PHACTR4: variants seen among roughly 807,000 people sequenced by gnomAD.
PHACTR4 encodes phosphatase and actin regulator 4.
A neutral mutation model predicts 72.7 loss-of-function variants in PHACTR4; 51 were observed. The observed-to-expected ratio is 0.70, with a 90% CI of 0.56 to 0.89. The LOEUF is 0.89. Among genes scored for constraint, PHACTR4 ranks in the 40% least tolerant of loss-of-function variants. PHACTR4 has a pLI of 0.00. For missense variants in PHACTR4, 731 were observed against 861.8 expected (o/e 0.85, Z 1.90); for synonymous variants, 255 against 302.5 (o/e 0.84, Z 1.63).
At chr1:28,440,081 C>T (rs900815909) in intron 2 of PHACTR4, among the ~76,000 whole-genome samples, 1 of 151,934 alleles carries the variant, frequency 6.6e-6, no homozygotes, top group Non-Finnish European at 1.5e-5. Context: ...GCAGGCGGAT[C>T]ATGAGGTCAG....
chr1:28,458,927 G>T (rs576693387), intron 2 of PHACTR4, among the ~76,000 whole-genome samples, 158 bp from the exon 3 acceptor site: 21 of 152,266 alleles, frequency 1.4e-4, no homozygotes, highest in African/African-American at 4.6e-4. Context: ...TTGATGTTTG[G>T]TGTCCATGTG....
At chr1:28,467,833 T>C (rs1268394512) in intron 6 of PHACTR4, among the ~76,000 whole-genome samples, 1 of 152,176 alleles carries the variant, frequency 6.6e-6, no homozygotes, top group Non-Finnish European at 1.5e-5. Context: ...TTACCCAAAG[T>C]TCTATTTAAG....
chr1:28,486,850 C>T (rs2124543093), intron 9 of PHACTR4, among the ~76,000 whole-genome samples: 1 of 150,540 alleles, frequency 6.6e-6, no homozygotes, highest in South Asian at 2.1e-4. Context: ...CAGAGTGAGA[C>T]TCTGTCTCAA....
At chr1:28,443,690 A>G (rs940982736) in intron 2 of PHACTR4, among the ~76,000 whole-genome samples, 1 of 152,092 alleles carries the variant, frequency 6.6e-6, no homozygotes, top group Non-Finnish European at 1.5e-5. Context: ...CCTGGACTCA[A>G]GTGATCTTCC....
At chr1:28,462,274 G>A (rs1420288783) in intron 4 of PHACTR4, among the ~76,000 whole-genome samples, 1 of 151,984 alleles carries the variant, frequency 6.6e-6, no homozygotes, top group Non-Finnish European at 1.5e-5. Flanking sequence ...CTCCCAAAGT[G>A]CTGGGATTAC....
At chr1:28,496,439 T>C in intron 13 of PHACTR4, 95 bp from the exon 14 acceptor site, 1 of 1,362,478 alleles carries the variant, frequency 7.3e-7, no homozygotes, top group Non-Finnish European at 1.0e-6. Context: ...GGAAAGGCAG[T>C]GTTAATTAGG....
intron 13 of PHACTR4, 42 bp from the exon 14 acceptor site, chr1:28,496,492 G>T: frequency 1.9e-6 from 3 of 1,607,328 alleles, no homozygotes; most frequent in Non-Finnish European, 2.6e-6. Context: ...GCAAAGCAAT[G>T]TACATCATGT....
At chr1:28,434,904 C>G (rs918162372) in intron 2 of PHACTR4, among the ~76,000 whole-genome samples, 2 of 151,898 alleles carry the variant, frequency 1.3e-5, no homozygotes, top group African/African-American at 4.8e-5. Context: ...ATACCTAGAT[C>G]CATAAATCTA....
chr1:28,473,960 T>C lies in PHACTR4; in HGVS notation c.1230T>C (p.Ser410=), dbSNP rs755284706. 1 of 1,614,096 alleles carries C rather than the reference T, an allele frequency of 6.2e-7. No individual in the cohort carries two copies. The highest frequency in any genetic ancestry group is 1.3e-5 in the African/African-American group (1 of 75,044). Residue 410 remains serine (S), a synonymous_variant, in exon 7 of 14, where the codon TCT becomes TCC. Transcript: ENST00000373839. ...ACTTTGGGGAGCCCCATATACCCTC[T>C]AGGCTGCCTCCACTCCCACTGCATA... is the stretch of plus-strand genomic sequence containing the variant. ...DQNFGEPHIP[S]RLPPLPLHIR...
chr1:28,469,231 T>G (rs1356016942), intron 6 of PHACTR4, among the ~76,000 whole-genome samples: 5 of 152,256 alleles, frequency 3.3e-5, no homozygotes, highest in African/African-American at 1.2e-4. Flanking sequence ...TCTTAGAAAA[T>G]GACAACCTCA....
chr1:28,399,321 A>AT (rs1653773246), intron 1 of PHACTR4, among the ~76,000 whole-genome samples: 1 of 152,104 alleles, frequency 6.6e-6, no homozygotes, highest in Non-Finnish European at 1.5e-5. Context: ...CAAAAAATAT[A>AT]TATATGATGA....
In PHACTR4 at chr1:28,459,194, G is replaced by A. The variant is rs1658622797; in HGVS notation, c.126G>A (p.Lys42=). The change falls in exon 3 of 14, where the codon AAG becomes AAA. Residue 42 remains lysine, a synonymous_variant. Coordinates refer to ENST00000373839, the MANE Select transcript of PHACTR4 (RefSeq NM_001048183.3). ...AGAGCAAGTTCTCAGGCTTTGGCAA[G>A]ATCTTCAAGCCCTGGAAATGGAGGA... is the stretch of plus-strand genomic sequence containing the variant. ...KRKSKFSGFG[K]IFKPWKWRKK... 6.2e-7 allele frequency: 1 copy of A among 1,613,384 alleles called. No individual in the cohort carries two copies. The highest frequency in any genetic ancestry group is 1.3e-5 in the African/African-American group (1 of 74,734).
chr1:28,438,091 C>T, intron 2 of PHACTR4: 1 of 1,019,882 alleles, frequency 9.8e-7, no homozygotes, highest in Non-Finnish European at 1.2e-6. Flanking sequence ...ATGTGGTTGG[C>T]AGTCTCCTCC....
At chr1:28,383,210 G>A (rs1652319388) in intron 1 of PHACTR4, among the ~76,000 whole-genome samples, 1 of 152,046 alleles carries the variant, frequency 6.6e-6, no homozygotes, top group African/African-American at 2.4e-5. Flanking sequence ...CTGTTCTATT[G>A]GTCTATGTGT....
At chr1:28,445,615 A>T (rs1389862469) in intron 2 of PHACTR4, among the ~76,000 whole-genome samples, 1 of 151,912 alleles carries the variant, frequency 6.6e-6, no homozygotes, top group Non-Finnish European at 1.5e-5. Context: ...TTCCTTTTCC[A>T]TAACCATTTG....
chr1:28,425,464 C>A (rs1475355206), intron 2 of PHACTR4, among the ~76,000 whole-genome samples: 2 of 152,214 alleles, frequency 1.3e-5, no homozygotes, highest in Admixed American at 6.5e-5. Flanking sequence ...TTGATATAAA[C>A]ACTATTTATA....
intron 10 of PHACTR4, among the ~76,000 whole-genome samples, 188 bp downstream of exon 10, chr1:28,489,413 G>A (rs893310895): frequency 1.3e-5 from 2 of 152,190 alleles, no homozygotes; most frequent in African/African-American, 4.8e-5. Flanking sequence ...TGCTATTATG[G>A]TATTGTTTAG....
At chr1:28,487,728 T>G (rs986400889) in intron 9 of PHACTR4, among the ~76,000 whole-genome samples, 9 of 62,202 alleles carry the variant, frequency 1.4e-4, no homozygotes, top group Admixed American at 6.3e-4. Context: ...TTTTTTGTTG[T>G]TTTTTTTTTT....
intron 2 of PHACTR4, among the ~76,000 whole-genome samples, chr1:28,436,279 T>G (rs1656631129): frequency 6.6e-6 from 1 of 152,122 alleles, no homozygotes; most frequent in African/African-American, 2.4e-5. Flanking sequence ...TTTTAATTTT[T>G]TTTTTTAGAG....
Sources: gnomAD v4.1 joint callset for allele counts (sites outside exome capture counted in the v4.1 genomes callset) on GRCh38, gnomAD v4.1.1 for gene constraint, MANE v1.5 for transcripts, NCBI Gene and HGNC (gene_info 2026-07-23, HGNC 2026-07-21) for gene names.